Variants in DPY19L1 observed in about 807,000 individuals in gnomAD.
DPY19L1 encodes the protein protein C-mannosyl-transferase DPY19L1.
DPY19L1 carries 35 observed loss-of-function variants against 96.9 expected under a neutral mutation model. That is an observed-to-expected ratio of 0.36 (90% CI 0.28 to 0.48). The LOEUF (loss-of-function observed/expected upper bound fraction) is 0.48. Ranked by LOEUF, DPY19L1 falls within the 20% of genes least tolerant of loss-of-function variation. DPY19L1 has a pLI of 0.99. For missense variants in DPY19L1, 521 were observed against 777.9 expected, an observed-to-expected ratio of 0.67 and a Z score of 3.93; for synonymous variants, 205 against 252.6, an observed-to-expected ratio of 0.81 and a Z score of 1.79.
chr7:35,022,777 C>G (rs1357714445), intron 1 of DPY19L1, among the ~76,000 whole-genome samples: 1 of 137,546 alleles, frequency 7.3e-6, no homozygotes. Flanking sequence ...TACACACACA[C>G]GCACACACAC....
chr7:34,955,040 C>A (rs915809040), intron 12 of DPY19L1, among the ~76,000 whole-genome samples: 2 of 146,692 alleles, frequency 1.4e-5, no homozygotes, highest in African/African-American at 5.0e-5. Flanking sequence ...CAGTTAAATT[C>A]CCTTTAACAG....
At chr7:35,005,604 G>C (rs1785533466) in intron 6 of DPY19L1, among the ~76,000 whole-genome samples, 1 of 136,064 alleles carries the variant, frequency 7.3e-6, no homozygotes, top group South Asian at 2.4e-4. Flanking sequence ...TTTGAGACCA[G>C]CCTGACCAAA....
intron 8 of DPY19L1, among the ~76,000 whole-genome samples, chr7:34,972,282 T>C (rs889933018): frequency 1.2e-4 from 18 of 152,146 alleles, no homozygotes; most frequent in African/African-American, 2.9e-4. Flanking sequence ...TCCAAGATAG[T>C]AGATCCCAGT....
intron 7 of DPY19L1, among the ~76,000 whole-genome samples, chr7:34,986,826 G>T (rs1785058810): frequency 6.6e-6 from 1 of 151,950 alleles, no homozygotes; most frequent in Admixed American, 6.6e-5. Flanking sequence ...TTACTTTGAA[G>T]TACTTTCGGG....
At chr7:35,020,568 T>C (rs1262032041) in intron 1 of DPY19L1, among the ~76,000 whole-genome samples, 1 of 152,228 alleles carries the variant, frequency 6.6e-6, no homozygotes, top group Non-Finnish European at 1.5e-5. Context: ...ATTCATAAAA[T>C]GTTTTTTATT....
chr7:35,027,719 T>C (rs1051659903), intron 1 of DPY19L1, among the ~76,000 whole-genome samples: 11 of 143,540 alleles, frequency 7.7e-5, no homozygotes, highest in African/African-American at 2.8e-4. Flanking sequence ...ATGTCTGTAA[T>C]CCCAGACACT....
At chr7:34,959,045 T>G (rs1275747050) in intron 10 of DPY19L1, among the ~76,000 whole-genome samples, 1 of 149,510 alleles carries the variant, frequency 6.7e-6, no homozygotes, top group Non-Finnish European at 1.5e-5. Flanking sequence ...CATCAAAAAG[T>G]GGGTGAAGGA....
intron 20 of DPY19L1, among the ~76,000 whole-genome samples, chr7:34,938,893 A>T (rs1272686356): frequency 6.6e-6 from 1 of 152,186 alleles, no homozygotes; most frequent in Non-Finnish European, 1.5e-5. Context: ...TTCTATTTCA[A>T]ATGACTTCTC....
At chr7:35,006,762 C>A (rs1011379736) in intron 6 of DPY19L1, among the ~76,000 whole-genome samples, 2 of 152,182 alleles carry the variant, frequency 1.3e-5, no homozygotes, top group Non-Finnish European at 2.9e-5. Context: ...TGGCTCCATT[C>A]ACCATTTGCC....
chr7:34,938,378 T>C (rs1363767409), intron 20 of DPY19L1, among the ~76,000 whole-genome samples: 2 of 152,226 alleles, frequency 1.3e-5, no homozygotes, highest in African/African-American at 4.8e-5. Context: ...TGTTCACTTA[T>C]TTATTTGTCT....
chr7:34,995,980 A>C, intron 6 of DPY19L1, among the ~76,000 whole-genome samples: 1 of 151,818 alleles, frequency 6.6e-6, no homozygotes. Flanking sequence ...AAGATGAGGA[A>C]TGAGGATAAG....
At chr7:35,033,426 T>A (rs1198787661) in intron 1 of DPY19L1, among the ~76,000 whole-genome samples, 1 of 152,212 alleles carries the variant, frequency 6.6e-6, no homozygotes, top group Non-Finnish European at 1.5e-5. Flanking sequence ...TTCTACATTT[T>A]ACCCCACCAA....
chr7:34,938,848 G>A (rs1783929950), intron 20 of DPY19L1, among the ~76,000 whole-genome samples: 1 of 152,038 alleles, frequency 6.6e-6, no homozygotes, highest in South Asian at 2.1e-4. Context: ...AGGCTATACT[G>A]GTGAAAACCA....
In DPY19L1 at chr7:34,939,258, G is replaced by C. The variant is rs1783942785; in HGVS notation, c.1964+18C>G. The C allele has an allele frequency of 6.2e-7, 1 of 1,608,256 alleles. No homozygotes were observed. Among genetic ancestry groups the C allele is most frequent in the Non-Finnish European group, 8.5e-7 (1 of 1,176,788 alleles). On this transcript the variant is annotated intron_variant, in intron 20 of 21. Transcript: ENST00000638088. ...TGCATGGGAGGTTTGTTTTGATGAT[G>C]CAAGACTGTGCACTGACCTCAAGCC...
chr7:34,959,924 T>TA (rs1562806976), intron 10 of DPY19L1, among the ~76,000 whole-genome samples: 2,945 of 51,036 alleles, frequency 0.058, 54 homozygotes, highest in Non-Finnish European at 0.075. Context: ...TATATATATA[T>TA]TTATATATAT....
At chr7:34,958,162 C>T in intron 10 of DPY19L1, 92 bp from the exon 11 acceptor site, 2 of 789,674 alleles carry the variant, frequency 2.5e-6, no homozygotes, top group South Asian at 2.0e-5. Context: ...CCATAATAAA[C>T]AAAATTCAAA....
In DPY19L1 at chr7:35,037,211, G is replaced by C. The variant is rs901367751; in HGVS notation, c.184C>G (p.Pro62Ala). 1 of 150,426 alleles carries C rather than the reference G, an allele frequency of 6.6e-6. No homozygotes were observed. Among genetic ancestry groups the C allele is most frequent in the Non-Finnish European group, 1.4e-5 (1 of 69,020 alleles). 9.3% of individuals were successfully genotyped at this position (150,426 alleles called of 1,614,324 possible). The change falls in exon 1 of 22, where the codon CCC becomes GCC. Residue 62 changes from proline to alanine, a missense_variant. By Grantham distance (27) the Pro-to-Ala change is conservative (BLOSUM62 -1). Transcript: ENST00000638088. ...CCGCCCCCGGCGGGCGGCGCGCCGG[G>C]CTCGGCGCGGGGCCCCTTCCTGCCC... ...AAGRKGPRAE[P>A]GAPPAGGGLG...
At chr7:35,004,447 C>T (rs1785504701) in intron 6 of DPY19L1, among the ~76,000 whole-genome samples, 1 of 152,066 alleles carries the variant, frequency 6.6e-6, no homozygotes. Flanking sequence ...AACATTGGTC[C>T]AAAAGTTAGG....
At chr7:34,990,709 C>T (rs1347579385) in intron 6 of DPY19L1, among the ~76,000 whole-genome samples, 1 of 152,176 alleles carries the variant, frequency 6.6e-6, no homozygotes, top group Non-Finnish European at 1.5e-5. Flanking sequence ...GGGTAGGGGA[C>T]ATAAGGCTAT....
Sources: gnomAD v4.1 joint callset for allele counts (sites outside exome capture counted in the v4.1 genomes callset) on GRCh38, gnomAD v4.1.1 for gene constraint, MANE v1.5 for transcripts, NCBI Gene and HGNC (gene_info 2026-07-23, HGNC 2026-07-21) for gene names.